Variants in CATSPERE observed in about 807,000 individuals in gnomAD.
The protein encoded by CATSPERE is cation channel sperm-associated auxiliary subunit epsilon.
A neutral mutation model predicts 114.1 loss-of-function variants in CATSPERE; 93 were observed. That is an observed-to-expected ratio of 0.81 (90% confidence interval 0.69 to 0.97). The LOEUF (loss-of-function observed/expected upper bound fraction) is 0.97. CATSPERE is among the 50% of genes least tolerant of loss of function. CATSPERE has a pLI of 0.00. For synonymous variants in CATSPERE, 341 were observed against 384.1 expected, an observed-to-expected ratio of 0.89 and a Z score of 1.31; for missense variants, 1,058 against 1,131.6, an observed-to-expected ratio of 0.93 and a Z score of 0.93.
At position 244,461,419 on chromosome 1, in the gene CATSPERE, G is replaced by A; in HGVS notation, c.-11G>A. 1 of 1,371,854 alleles carries A rather than the reference G, an allele frequency of 7.3e-7. No individual in the cohort carries two copies. Among genetic ancestry groups the A allele is most frequent in the Non-Finnish European group, 9.5e-7 (1 of 1,052,604 alleles). The allele number at this position is 1,371,854 out of a possible 1,614,324, so 85.0% of individuals were successfully genotyped here. A position where few individuals can be genotyped will look rare whatever the true frequency, so the allele number is the denominator to read the frequency against. ...TGGCCGAGGCGGTTGGGCGGAGGCG[G>A]AGCAGGCGCCATGTCAGCCCGGGAA... On this transcript the variant is annotated 5_prime_UTR_variant, in exon 1 of 22. Transcript: ENST00000366534.
intron 20 of CATSPERE, among the ~76,000 whole-genome samples, chr1:244,621,544 C>T (rs997018107): frequency 6.6e-6 from 1 of 151,296 alleles, no homozygotes; most frequent in African/African-American, 2.4e-5. Context: ...CTCAGAAAAT[C>T]CCGAAAGGAA....
At chr1:244,566,944 T>C (rs1663658084) in intron 10 of CATSPERE, among the ~76,000 whole-genome samples, 3 of 152,256 alleles carry the variant, frequency 2.0e-5, no homozygotes, top group African/African-American at 7.2e-5. Flanking sequence ...ATAGTGTCGA[T>C]GGCCTTTACA....
In CATSPERE at chr1:244,623,319, C is replaced by T. The variant is rs555985731; in HGVS notation, c.2648+5633C>T. Among the ~76,000 whole-genome samples the T allele has an allele frequency of 1.3e-3, 201 of 152,268 alleles. 1 individual carries two copies. The highest frequency in any genetic ancestry group is 4.7e-3 in the African/African-American group (197 of 41,542). On this transcript the variant is annotated intron_variant, in intron 20 of 21. Coordinates refer to ENST00000366534, the MANE Select transcript of CATSPERE (RefSeq NM_001130957.2). ...TCTCAAACTGCTGACCTCAGGTGAT[C>T]TGCCCACCTTGGCCTCCCAAAGTGC... is the stretch of plus-strand genomic sequence containing the variant.
Position 244,499,088 on chromosome 1 carries a change from A to G in CATSPERE, c.429+9A>G. On this transcript the variant is annotated intron_variant, in intron 7 of 21. Transcript: ENST00000366534. Reference sequence around the variant, plus strand: ...CAGAAGAACCTTCAATAGTAGGTGGAAACATTAGTATCGTCATAGTAAGAA... The same window carrying G: ...CAGAAGAACCTTCAATAGTAGGTGGGAACATTAGTATCGTCATAGTAAGAA... The G allele has an allele frequency of 6.3e-7, 1 of 1,588,230 alleles. No homozygotes were observed. Among genetic ancestry groups the G allele is most frequent in the Non-Finnish European group, 8.6e-7 (1 of 1,156,948 alleles).
chr1:244,591,427 A>C (rs1021155952), intron 14 of CATSPERE, among the ~76,000 whole-genome samples: 2 of 152,208 alleles, frequency 1.3e-5, no homozygotes, highest in African/African-American at 4.8e-5. Context: ...ATCTGCTATA[A>C]TTTTTAATAA....
chr1:244,510,850 T>C (rs1345469356), intron 7 of CATSPERE, among the ~76,000 whole-genome samples: 1 of 136,828 alleles, frequency 7.3e-6, no homozygotes, highest in Non-Finnish European at 1.5e-5. Flanking sequence ...TTTTTTTTTT[T>C]TTTTTTTTTT....
chr1:244,557,861 T>C (rs928514835), intron 9 of CATSPERE, among the ~76,000 whole-genome samples: 1 of 151,872 alleles, frequency 6.6e-6, no homozygotes, highest in Non-Finnish European at 1.5e-5. Flanking sequence ...CTGCTCGTTA[T>C]TTTTTCACTG....
intron 18 of CATSPERE, among the ~76,000 whole-genome samples, chr1:244,606,117 C>T (rs1003832025): frequency 6.6e-6 from 1 of 152,198 alleles, no homozygotes. Flanking sequence ...ACATTTATCA[C>T]TTGTGCACTA....
intron 7 of CATSPERE, among the ~76,000 whole-genome samples, chr1:244,513,174 CA>C (rs150530066): frequency 0.053 from 8,026 of 152,194 alleles, 265 homozygotes; most frequent in East Asian, 0.11. Flanking sequence ...AGCAGGAGGC[CA>C]ACCCTTCAGC....
chr1:244,511,155 C>T (rs1675693544), intron 7 of CATSPERE, among the ~76,000 whole-genome samples: 1 of 152,118 alleles, frequency 6.6e-6, no homozygotes, highest in African/African-American at 2.4e-5. Context: ...ATGCATATAA[C>T]ATTTCTAAAT....
chr1:244,514,945 A>T (rs941916810), intron 7 of CATSPERE, among the ~76,000 whole-genome samples: 1 of 152,022 alleles, frequency 6.6e-6, no homozygotes, highest in Non-Finnish European at 1.5e-5. Context: ...ATGCATTAGG[A>T]TTATGTAAAC....
intron 10 of CATSPERE, among the ~76,000 whole-genome samples, chr1:244,567,407 G>A (rs1663762646): frequency 6.6e-6 from 1 of 152,038 alleles, no homozygotes; most frequent in Non-Finnish European, 1.5e-5. Flanking sequence ...TGTTAGGTTG[G>A]GGAACTTCTC....
chr1:244,610,833 T>C (rs1469818858), intron 19 of CATSPERE, among the ~76,000 whole-genome samples: 1 of 151,612 alleles, frequency 6.6e-6, no homozygotes. Context: ...CAATCTCTGC[T>C]CACTGCAACT....
chr1:244,546,138 A>G (rs904699420), intron 8 of CATSPERE, among the ~76,000 whole-genome samples: 3 of 152,186 alleles, frequency 2.0e-5, no homozygotes, highest in African/African-American at 7.2e-5. Context: ...CCTCAGCAGC[A>G]GGCAGATCTT....
intron 7 of CATSPERE, among the ~76,000 whole-genome samples, chr1:244,501,485 G>A (rs1404310512): frequency 6.6e-6 from 1 of 152,174 alleles, no homozygotes; most frequent in Non-Finnish European, 1.5e-5. Context: ...ATTTTAATGA[G>A]TCAAGAGCTG....
chr1:244,583,314 T>C (rs547445089), intron 12 of CATSPERE, among the ~76,000 whole-genome samples: 14 of 152,314 alleles, frequency 9.2e-5, no homozygotes, highest in African/African-American at 3.1e-4. Flanking sequence ...GAACACAAAA[T>C]GATTCTTGTG....
Position 244,583,908 on chromosome 1 carries a change from A to G in CATSPERE, c.2054A>G (p.Glu685Gly). The change falls in exon 13 of 22, where the codon GAA becomes GGA. Residue 685 changes from glutamate (E) to glycine (G), a missense_variant. Coordinates refer to ENST00000366534, the MANE Select transcript of CATSPERE (RefSeq NM_001130957.2). The stretch of plus-strand genomic sequence containing the variant: ...GTGCTGGTTCAGTTTCGACCTAGTG[A>G]ATATTCAAAAGCATGTCCAATAGCC... ...GLVLVQFRPSEYSKACPIAQK... is the reference protein window; with the variant it reads ...GLVLVQFRPSGYSKACPIAQK... 6.2e-7 allele frequency: 1 copy of G among 1,614,148 alleles called. No individual in the cohort carries two copies. The highest frequency in any genetic ancestry group is 8.5e-7 in the Non-Finnish European group (1 of 1,179,994).
intron 8 of CATSPERE, among the ~76,000 whole-genome samples, chr1:244,528,826 C>CACACACACACACACACACACA (rs1558436626): frequency 2.0e-5 from 3 of 150,238 alleles, no homozygotes; most frequent in African/African-American, 7.3e-5. Flanking sequence ...CACACACACA[C>CACACACACACACACACACACA]TCTACTCTTT....
Position 244,572,499 on chromosome 1 carries a change from C to T in CATSPERE, c.1677C>T (p.Gly559=). 6.2e-7 allele frequency: 1 copy of T among 1,614,044 alleles called. No individual in the cohort carries two copies. The highest frequency in any genetic ancestry group is 8.5e-7 in the Non-Finnish European group (1 of 1,179,958). Reference sequence around the variant, plus strand: ...ATTTCCTGTATGCTTTGGATGATGGCACAATACAAATACAGGACTATCCCT... The same window carrying T: ...ATTTCCTGTATGCTTTGGATGATGGTACAATACAAATACAGGACTATCCCT... ...QTYFLYALDD[G]TIQIQDYPLH... The change falls in exon 11 of 22, where the codon GGC becomes GGT. Residue 559 remains glycine (G), a synonymous_variant. Transcript: ENST00000366534.
Sources: gnomAD v4.1 joint callset for allele counts (sites outside exome capture counted in the v4.1 genomes callset) on GRCh38, gnomAD v4.1.1 for gene constraint, MANE v1.5 for transcripts, NCBI Gene and HGNC (gene_info 2026-07-23, HGNC 2026-07-21) for gene names.